The following LAMA2 variants were observed in gnomAD, a reference collection of about 807,000 sequenced individuals.
The protein encoded by LAMA2 is laminin subunit alpha-2.
In LAMA2, 269 loss-of-function variants were observed where a neutral mutation model predicts 364.8. The observed-to-expected ratio is 0.74, with a 90% confidence interval of 0.67 to 0.82. The LOEUF is 0.82. LAMA2 is among the 40% of genes least tolerant of loss of function. The probability of loss-of-function intolerance (pLI) is 0.00; values close to 1 mark genes in which losing one functional copy is unlikely to be tolerated. For synonymous variants in LAMA2, 1,379 were observed against 1,370.6 expected (o/e 1.01, Z -0.14); for missense variants, 3,807 against 3,873.2 (o/e 0.98, Z 0.45).
chr6:129,304,270 G>GT (rs1023136545), intron 22 of LAMA2, among the ~76,000 whole-genome samples: 2 of 151,686 alleles, frequency 1.3e-5, no homozygotes, highest in Non-Finnish European at 2.9e-5. Flanking sequence ...TTTGTTTTTT[G>GT]TTTTTTGTTT....
At chr6:129,492,548 G>A in intron 58 of LAMA2, 65 bp downstream of exon 58, 4 of 1,416,974 alleles carry the variant, frequency 2.8e-6, no homozygotes, top group Non-Finnish European at 4.0e-6. Context: ...CATTTCAGAA[G>A]GAAGATTATT....
chr6:128,918,625 T>C (rs7776116), intron 1 of LAMA2, among the ~76,000 whole-genome samples: 33,955 of 152,124 alleles, frequency 0.22, 5,741 homozygotes, highest in African/African-American at 0.48. Context: ...TCTTCATTAT[T>C]TCCACTACAC....
intron 17 of LAMA2, among the ~76,000 whole-genome samples, chr6:129,271,799 T>G (rs1787959485): frequency 6.6e-6 from 1 of 152,274 alleles, no homozygotes; most frequent in Admixed American, 6.5e-5. Context: ...TTCAATGATC[T>G]TTAAGGGAAA....
Position 129,353,177 on chromosome 6 carries a change from T to C in LAMA2, c.4537T>C (p.Tyr1513His). ...GTTTCAATTCAGGTGTGCCCCTGGC[T>C]ATACTGGCAGTCCAGGCAACCCTGG... Reference protein sequence around the residue: ...GQYCERCAPGYTGSPGNPGGS... With the variant: ...GQYCERCAPGHTGSPGNPGGS... The change falls in exon 32 of 65, where the codon TAT becomes CAT. Residue 1513 changes from tyrosine to histidine, a missense_variant. Coordinates refer to ENST00000421865, the MANE Select transcript of LAMA2 (RefSeq NM_000426.4). The C allele has an allele frequency of 6.2e-7, 1 of 1,613,666 alleles. No individual in the cohort carries two copies. The highest frequency in any genetic ancestry group is 2.2e-5 in the East Asian group (1 of 44,846).
chr6:129,223,445 A>G (rs1784020393), intron 12 of LAMA2, among the ~76,000 whole-genome samples: 1 of 152,172 alleles, frequency 6.6e-6, no homozygotes, highest in Non-Finnish European at 1.5e-5. Context: ...GGTATTGCCT[A>G]GGTTTTCTTC....
intron 12 of LAMA2, among the ~76,000 whole-genome samples, chr6:129,198,989 G>A (rs1317848480): frequency 6.6e-6 from 1 of 151,896 alleles, no homozygotes; most frequent in African/African-American, 2.4e-5. Context: ...AGAACAACTG[G>A]GACGTACTCC....
intron 1 of LAMA2, among the ~76,000 whole-genome samples, chr6:128,950,829 A>G (rs1333635180): frequency 1.3e-5 from 2 of 152,114 alleles, no homozygotes; most frequent in Non-Finnish European, 2.9e-5. Flanking sequence ...TATATATATT[A>G]CATTATATAT....
chr6:129,282,575 G>A (rs1275338576), intron 18 of LAMA2, among the ~76,000 whole-genome samples: 1 of 152,068 alleles, frequency 6.6e-6, no homozygotes, highest in African/African-American at 2.4e-5. Flanking sequence ...GTTGAGCAAG[G>A]GGACATGTGA....
chr6:129,314,285 T>G (rs1027302304), intron 23 of LAMA2, among the ~76,000 whole-genome samples: 12 of 151,344 alleles, frequency 7.9e-5, no homozygotes, highest in South Asian at 2.1e-4. Context: ...TGTAGTCCCA[T>G]CTACTCGGAA....
In LAMA2 at chr6:128,973,269, T is replaced by C. The variant is rs78577413; in HGVS notation, c.113-76649T>C. 6.5e-3 allele frequency among the ~76,000 whole-genome samples: 992 copies of C among 152,278 alleles called. 11 individuals carry two copies. Among genetic ancestry groups the C allele is most frequent in the African/African-American group, 0.023 (959 of 41,558 alleles). On this transcript the variant is annotated intron_variant, in intron 1 of 64. Coordinates refer to ENST00000421865, the MANE Select transcript of LAMA2 (RefSeq NM_000426.4). ...TCATTTGAGAGCAGGATTCATAATT[T>C]TTTTTACTGTGCAATTTTCCTACCT... is the stretch of plus-strand genomic sequence containing the variant.
At chr6:129,248,084 G>T (rs988413390) in intron 12 of LAMA2, among the ~76,000 whole-genome samples, 1 of 152,140 alleles carries the variant, frequency 6.6e-6, no homozygotes, top group Non-Finnish European at 1.5e-5. Flanking sequence ...GAGCTCTACC[G>T]CCTGTCAGAT....
intron 4 of LAMA2, among the ~76,000 whole-genome samples, chr6:129,107,646 G>C (rs1775911747): frequency 6.6e-6 from 1 of 152,146 alleles, no homozygotes; most frequent in Admixed American, 6.5e-5. Context: ...GCTAGCATTT[G>C]TTGCACATTT....
chr6:129,344,921 G>A (rs968430706), intron 30 of LAMA2, among the ~76,000 whole-genome samples: 1 of 152,166 alleles, frequency 6.6e-6, no homozygotes, highest in Non-Finnish European at 1.5e-5. Flanking sequence ...GAAAAGAAAG[G>A]CTTTACTGCA....
In LAMA2 at chr6:129,267,145, T is replaced by C; in HGVS notation, c.2248T>C (p.Phe750Leu). The change falls in exon 16 of 65, where the codon TTT becomes CTT. Residue 750 changes from phenylalanine (F) to leucine (L), a missense_variant. Coordinates refer to ENST00000421865, the MANE Select transcript of LAMA2 (RefSeq NM_000426.4). ...PRHRRVNGTI[F>L]GGICEPCQCF... ...GCACAGGCGAGTTAACGGCACTATT[T>C]TTGGTGGCATCTGTGAGCCATGTCA... 1 of 1,613,380 alleles carries C rather than the reference T, an allele frequency of 6.2e-7. No homozygotes were observed. The highest frequency in any genetic ancestry group is 8.5e-7 in the Non-Finnish European group (1 of 1,179,452).
At chr6:128,897,832 T>A (rs1392063340) in intron 1 of LAMA2, among the ~76,000 whole-genome samples, 1 of 152,150 alleles carries the variant, frequency 6.6e-6, no homozygotes, top group Admixed American at 6.5e-5. Flanking sequence ...TCGGCCAGTT[T>A]ACTAGTTAAC....
chr6:129,204,549 C>T (rs1422155892), intron 12 of LAMA2, among the ~76,000 whole-genome samples: 1 of 151,832 alleles, frequency 6.6e-6, no homozygotes, highest in Non-Finnish European at 1.5e-5. Context: ...ATGATGATGG[C>T]CATTCACAAG....
chr6:129,344,736 C>G (rs140230175), intron 30 of LAMA2, among the ~76,000 whole-genome samples: 1 of 152,184 alleles, frequency 6.6e-6, no homozygotes, highest in African/African-American at 2.4e-5. Context: ...GAGAGGGAAC[C>G]CAGGCGGCAC....
intron 21 of LAMA2, among the ~76,000 whole-genome samples, chr6:129,299,067 T>C (rs1376441375): frequency 6.6e-6 from 1 of 151,982 alleles, no homozygotes; most frequent in Non-Finnish European, 1.5e-5. Flanking sequence ...ACCAAGAATA[T>C]TATTTTAAAT....
intron 12 of LAMA2, among the ~76,000 whole-genome samples, chr6:129,240,510 C>T (rs2115155125): frequency 6.6e-6 from 1 of 152,228 alleles, no homozygotes; most frequent in East Asian, 1.9e-4. Flanking sequence ...TTTTTAAATA[C>T]TCCCATTACC....
Sources: allele counts gnomAD v4.1 joint callset (sites outside exome capture counted in the v4.1 genomes callset), GRCh38; gene constraint gnomAD v4.1.1; transcripts MANE v1.5; gene names NCBI Gene and HGNC (gene_info 2026-07-23, HGNC 2026-07-21).